Variants in CTNNA2 observed in about 807,000 individuals in gnomAD.
CTNNA2 encodes the protein catenin alpha-2.
CTNNA2 carries 42 observed loss-of-function variants against 101.0 expected under a neutral mutation model. The ratio of observed to expected loss-of-function variants is 0.42; its 90% CI spans 0.32 to 0.54. The LOEUF (loss-of-function observed/expected upper bound fraction) is 0.54, where lower values mean the gene tolerates loss of function less well. CTNNA2 is among the 20% of genes least tolerant of loss of function. The probability of loss-of-function intolerance (pLI) is 0.14; values close to 1 mark genes in which losing one functional copy is unlikely to be tolerated. For missense variants in CTNNA2, 871 were observed against 1,223.1 expected (o/e 0.71, Z 4.29); for synonymous variants, 450 against 456.4 (o/e 0.99, Z 0.18).
At chr2:80,593,528 A>G (rs1696692174) in intron 15 of CTNNA2, among the ~76,000 whole-genome samples, 1 of 152,016 alleles carries the variant, frequency 6.6e-6, no homozygotes, top group South Asian at 2.1e-4. Flanking sequence ...TACCATCTCA[A>G]TCCTTTGTAA....
At chr2:79,927,711 T>C (rs974438825) in intron 7 of CTNNA2, among the ~76,000 whole-genome samples, 3 of 152,362 alleles carry the variant, frequency 2.0e-5, no homozygotes, top group African/African-American at 7.2e-5. Flanking sequence ...GTTTTGATCA[T>C]ATAATGTTAC....
At chr2:79,877,589 G>A (rs1343995522) in intron 6 of CTNNA2, among the ~76,000 whole-genome samples, 1 of 151,842 alleles carries the variant, frequency 6.6e-6, no homozygotes, top group Non-Finnish European at 1.5e-5. Flanking sequence ...TGAATTCATG[G>A]ACATCTGTCA....
chr2:79,997,683 A>G (rs1692655516), intron 7 of CTNNA2, among the ~76,000 whole-genome samples: 1 of 152,216 alleles, frequency 6.6e-6, no homozygotes, highest in African/African-American at 2.4e-5. Context: ...AGAAGAATCT[A>G]CACAGAAGCC....
At chr2:80,563,565 C>G (rs547831653) in intron 12 of CTNNA2, among the ~76,000 whole-genome samples, 50 of 152,248 alleles carry the variant, frequency 3.3e-4, no homozygotes, top group Non-Finnish European at 5.7e-4. Flanking sequence ...TTTGTAGAGA[C>G]AGGTCTTGCT....
intron 12 of CTNNA2, among the ~76,000 whole-genome samples, chr2:80,568,258 T>C (rs920369165): frequency 6.6e-6 from 1 of 152,174 alleles, no homozygotes; most frequent in African/African-American, 2.4e-5. Flanking sequence ...CAATGCTAAA[T>C]GATGGGCAGA....
chr2:79,624,565 A>G (rs79397341), intron 1 of CTNNA2, among the ~76,000 whole-genome samples: 1,745 of 152,282 alleles, frequency 0.011, 58 homozygotes, highest in East Asian at 0.1. Flanking sequence ...GACTGCAATC[A>G]AATAGATGTT....
chr2:80,510,342 C>T (rs1281757758), intron 9 of CTNNA2, among the ~76,000 whole-genome samples: 1 of 152,176 alleles, frequency 6.6e-6, no homozygotes, highest in Non-Finnish European at 1.5e-5. Context: ...CTTCAGACCT[C>T]ATCATCTTTC....
chr2:80,017,559 G>A (rs7589515), intron 7 of CTNNA2, among the ~76,000 whole-genome samples: 152,073 of 152,090 alleles, frequency 1, 76,028 homozygotes, highest in Middle Eastern at 1. Flanking sequence ...GCTTTAAAAA[G>A]TACTGATGCC....
Position 80,302,857 on chromosome 2 carries a change from G to C in CTNNA2, c.1057-90354G>C, listed in dbSNP as rs775956407. The C allele has an allele frequency of 3.1e-6, 5 of 1,614,148 alleles. No homozygotes were observed. Among genetic ancestry groups the C allele is most frequent in the Non-Finnish European group, 4.2e-6 (5 of 1,180,038 alleles). Reference sequence around the variant, plus strand: ...TGAGCCACGAGGCTAGGGCACACACGTTGCGCCCGCAATCCCACAGGTTCC... The same window carrying C: ...TGAGCCACGAGGCTAGGGCACACACCTTGCGCCCGCAATCCCACAGGTTCC... On this transcript the variant is annotated intron_variant, in intron 7 of 18. Coordinates refer to ENST00000402739, the MANE Select transcript of CTNNA2 (RefSeq NM_001282597.3). The surrounding 1 kb of genome is among the most constrained non-coding windows in gnomAD (Gnocchi z 6.4).
intron 7 of CTNNA2, among the ~76,000 whole-genome samples, chr2:79,932,044 G>A (rs1687481831): frequency 6.6e-6 from 1 of 152,206 alleles, no homozygotes; most frequent in African/African-American, 2.4e-5. Flanking sequence ...ATTCTTTGAT[G>A]AGGTTGGCTT....
intron 1 of CTNNA2, among the ~76,000 whole-genome samples, chr2:79,552,544 A>G (rs1674177656): frequency 6.6e-6 from 1 of 152,138 alleles, no homozygotes; most frequent in Non-Finnish European, 1.5e-5. Context: ...TCCTCTCTGT[A>G]CTGCCCTAGT....
intron 3 of CTNNA2, among the ~76,000 whole-genome samples, chr2:79,820,703 T>C (rs1229887770): frequency 6.6e-6 from 1 of 152,234 alleles, no homozygotes; most frequent in Admixed American, 6.5e-5. Flanking sequence ...GAAACATGTC[T>C]GAAAGCCAGT....
intron 2 of CTNNA2, among the ~76,000 whole-genome samples, chr2:79,265,833 G>A (rs1368878140): frequency 6.6e-6 from 1 of 152,152 alleles, no homozygotes; most frequent in Non-Finnish European, 1.5e-5. Flanking sequence ...TCTCTCCAGA[G>A]ATTCTTGCAG....
intron 18 of CTNNA2, among the ~76,000 whole-genome samples, chr2:80,639,452 C>T (rs1382063933): frequency 4.6e-5 from 7 of 151,750 alleles, no homozygotes; most frequent in African/African-American, 7.3e-5. Context: ...TCAAGTGATC[C>T]GCCCACCTCG....
chr2:79,371,924 C>T (rs1056650421), intron 3 of CTNNA2, among the ~76,000 whole-genome samples: 4 of 151,950 alleles, frequency 2.6e-5, no homozygotes, highest in Non-Finnish European at 4.4e-5. Context: ...ATTTAATCCC[C>T]GGTATAACTT....
intron 1 of CTNNA2, among the ~76,000 whole-genome samples, chr2:79,558,077 G>A (rs1014059741): frequency 2.0e-5 from 3 of 151,890 alleles, no homozygotes; most frequent in Non-Finnish European, 2.9e-5. Flanking sequence ...ACCAGACTAT[G>A]ATTATCAGCA....
intron 12 of CTNNA2, chr2:80,573,347 T>G (rs1560861): frequency 0.33 from 50,245 of 151,998 alleles, 8,500 homozygotes; most frequent in Admixed American, 0.4. Context: ...CCTGTGAAAA[T>G]AACGAAGTGT....
intron 7 of CTNNA2, among the ~76,000 whole-genome samples, chr2:80,300,281 GGTGTGT>G (rs70940079): frequency 0.076 from 7,021 of 92,944 alleles, 216 homozygotes; most frequent in Admixed American, 0.14. Flanking sequence ...GGGGTGTTGG[GGTGTGT>G]GTGTGTGTGT....
intron 3 of CTNNA2, among the ~76,000 whole-genome samples, chr2:79,852,811 C>T (rs188000300): frequency 7.7e-4 from 117 of 152,082 alleles, no homozygotes; most frequent in African/African-American, 2.0e-3. Flanking sequence ...AGAATGGTCT[C>T]GATCTCTTGA....
Sources: gnomAD v4.1 joint callset for allele counts (sites outside exome capture counted in the v4.1 genomes callset) on GRCh38, gnomAD v4.1.1 for gene constraint, Gnocchi (gnomAD v3.1) non-coding constraint, MANE v1.5 for transcripts, NCBI Gene and HGNC (gene_info 2026-07-23, HGNC 2026-07-21) for gene names.